WDR7: variants seen among roughly 807,000 people sequenced by gnomAD.
WDR7 encodes WD repeat domain 7, also known as WD repeat-containing protein 7.
WDR7 carries 46 observed loss-of-function variants against 169.4 expected under a neutral mutation model. The ratio of observed to expected loss-of-function variants is 0.27; its 90% confidence interval spans 0.21 to 0.35. The LOEUF is 0.35. Ranked by LOEUF, WDR7 falls within the 10% of genes least tolerant of loss-of-function variation. The pLI is 1.00. For synonymous variants in WDR7, 612 were observed against 666.8 expected, an observed-to-expected ratio of 0.92 and a Z score of 1.27; for missense variants, 1,534 against 1,859.3, an observed-to-expected ratio of 0.83 and a Z score of 3.22.
chr18:56,869,421 G>C (rs2045923931), intron 20 of WDR7, among the ~76,000 whole-genome samples: 1 of 152,172 alleles, frequency 6.6e-6, no homozygotes, highest in African/African-American at 2.4e-5. Flanking sequence ...CAGTTTTCAA[G>C]TGAGTGGGGA....
chr18:56,931,097 G>T (rs2046877725), intron 22 of WDR7, among the ~76,000 whole-genome samples: 1 of 152,056 alleles, frequency 6.6e-6, no homozygotes, highest in Non-Finnish European at 1.5e-5. Flanking sequence ...CTGAAATGCT[G>T]AGTAAAGCAG....
At chr18:56,968,596 T>C (rs2047443346) in intron 26 of WDR7, among the ~76,000 whole-genome samples, 1 of 152,234 alleles carries the variant, frequency 6.6e-6, no homozygotes, top group Non-Finnish European at 1.5e-5. Context: ...GAAGCAAAGA[T>C]TGATGGTATC....
intron 11 of WDR7, 124 bp downstream of exon 11, chr18:56,695,322 A>G (rs1284470467): frequency 4.8e-6 from 6 of 1,259,432 alleles, no homozygotes; most frequent in Non-Finnish European, 2.2e-6. Flanking sequence ...TTGGGGTGCT[A>G]TGTAGTTGGT....
intron 20 of WDR7, among the ~76,000 whole-genome samples, chr18:56,857,508 C>T (rs887270712): frequency 3.9e-5 from 6 of 152,116 alleles, no homozygotes; most frequent in East Asian, 1.9e-4. Flanking sequence ...CTGCCTACCT[C>T]GGCCTCCCAA....
chr18:56,856,891 T>A (rs2045729750), intron 20 of WDR7, among the ~76,000 whole-genome samples: 1 of 152,192 alleles, frequency 6.6e-6, no homozygotes. Flanking sequence ...GGTTACTTTC[T>A]CCCTTATATG....
chr18:56,917,772 T>C (rs546730604), intron 21 of WDR7, among the ~76,000 whole-genome samples: 33 of 152,308 alleles, frequency 2.2e-4, no homozygotes, highest in Admixed American at 5.9e-4. Context: ...CTCAGTCCTT[T>C]TCTCCTTTTT....
chr18:56,907,795 C>T (rs2046499794), intron 21 of WDR7, among the ~76,000 whole-genome samples: 2 of 152,246 alleles, frequency 1.3e-5, no homozygotes, highest in South Asian at 4.1e-4. Context: ...GGTGAACAAA[C>T]TCCCTCAGGC....
At chr18:56,974,362 C>CTTT (rs34901751) in intron 26 of WDR7, among the ~76,000 whole-genome samples, 1,818 of 111,774 alleles carry the variant, frequency 0.016, 96 homozygotes, top group African/African-American at 0.056. Context: ...GCTTTTCTTG[C>CTTT]TTTTTTTTTT....
chr18:56,804,469 C>G (rs985915358), intron 19 of WDR7, among the ~76,000 whole-genome samples: 1 of 152,188 alleles, frequency 6.6e-6, no homozygotes, highest in Non-Finnish European at 1.5e-5. Flanking sequence ...CAGAACACTT[C>G]ATAGTCCACT....
intron 1 of WDR7, among the ~76,000 whole-genome samples, chr18:56,653,633 C>T (rs1221099496): frequency 2.6e-5 from 4 of 152,016 alleles, no homozygotes; most frequent in African/African-American, 2.4e-5. Flanking sequence ...TTCTGGGTGC[C>T]CACATTTTTA....
intron 26 of WDR7, among the ~76,000 whole-genome samples, chr18:56,970,149 C>A (rs2047462881): frequency 6.6e-6 from 1 of 151,878 alleles, no homozygotes; most frequent in African/African-American, 2.4e-5. Context: ...ATCAGCTCAC[C>A]CTATTCTGTT....
At chr18:56,920,219 A>G (rs992278247) in intron 21 of WDR7, among the ~76,000 whole-genome samples, 4 of 151,972 alleles carry the variant, frequency 2.6e-5, no homozygotes, top group Admixed American at 6.6e-5. Flanking sequence ...TTCTCCTTTA[A>G]CTGGCTAATT....
Position 56,757,229 on chromosome 18 carries a change from C to T in WDR7, c.2636C>T (p.Thr879Ile). Residue 879 changes from threonine to isoleucine, a missense_variant, in exon 15 of 28, where the codon ACT (threonine) becomes ATT (isoleucine). Transcript: ENST00000254442. ...GCGTCTGAGGGAGTAGGAAAGGGAA[C>T]TTACGGAGTGTCCCGTGCCGTCACC... ...LPASEGVGKG[T>I]YGVSRAVTTQ... 6.2e-7 allele frequency: 1 copy of T among 1,614,146 alleles called. No individual in the cohort carries two copies. The highest frequency in any genetic ancestry group is 8.5e-7 in the Non-Finnish European group (1 of 1,180,020).
intron 26 of WDR7, among the ~76,000 whole-genome samples, chr18:56,972,718 T>A (rs1220309022): frequency 6.6e-6 from 1 of 152,216 alleles, no homozygotes; most frequent in African/African-American, 2.4e-5. Context: ...TCCAGAACAA[T>A]GCCTGAAATT....
chr18:56,774,685 T>C (rs918160725), intron 16 of WDR7, among the ~76,000 whole-genome samples: 26 of 152,174 alleles, frequency 1.7e-4, no homozygotes, highest in African/African-American at 6.0e-4. Flanking sequence ...TAGATAGTTG[T>C]GAAAGCTGTA....
intron 16 of WDR7, among the ~76,000 whole-genome samples, chr18:56,768,772 T>C (rs1182503315): frequency 1.3e-5 from 2 of 152,258 alleles, no homozygotes; most frequent in African/African-American, 4.8e-5. Context: ...TAAGTTGTAT[T>C]GCAAACATGA....
Position 56,950,115 on chromosome 18 carries a change from A to G in WDR7, c.4064+10722A>G, listed in dbSNP as rs1004797481. On this transcript the variant is annotated intron_variant, in intron 25 of 27. Transcript: ENST00000254442. The stretch of plus-strand genomic sequence containing the variant: ...AGAAAAGCAGCTAGTTCATTTTGCA[A>G]GTCAATCTGACGAGTGTTTTTCTCC... Among the ~76,000 whole-genome samples the G allele has an allele frequency of 2.0e-5, 3 of 152,228 alleles. No homozygotes were observed. The South Asian group carries it at 6.2e-4, about 31-fold the overall frequency.
intron 14 of WDR7, among the ~76,000 whole-genome samples, chr18:56,753,982 G>T (rs955440813): frequency 6.6e-6 from 1 of 151,716 alleles, no homozygotes; most frequent in Non-Finnish European, 1.5e-5. Context: ...AAATTAGATT[G>T]TATATGATTA....
intron 20 of WDR7, among the ~76,000 whole-genome samples, chr18:56,833,421 G>A (rs1240482199): frequency 6.6e-6 from 1 of 152,068 alleles, no homozygotes; most frequent in East Asian, 1.9e-4. Context: ...TGTAACCTAT[G>A]TAACAAACCT....
Sources: gnomAD v4.1 joint callset for allele counts (sites outside exome capture counted in the v4.1 genomes callset) on GRCh38, gnomAD v4.1.1 for gene constraint, MANE v1.5 for transcripts, NCBI Gene and HGNC (gene_info 2026-07-23, HGNC 2026-07-21) for gene names.